DNAJC11: variants seen among roughly 807,000 people sequenced by gnomAD.
DNAJC11 encodes dnaJ homolog subfamily C member 11.
DNAJC11 carries 15 observed loss-of-function variants against 78.6 expected under a neutral mutation model. That is an observed-to-expected ratio of 0.19 (90% CI 0.13 to 0.29). DNAJC11 has a LOEUF of 0.29. DNAJC11 is among the 10% of genes least tolerant of loss of function. The probability of loss-of-function intolerance (pLI) is 1.00; values close to 1 mark genes in which losing one functional copy is unlikely to be tolerated. For missense variants in DNAJC11, 547 were observed against 709.6 expected (o/e 0.77, Z 2.60); for synonymous variants, 292 against 272.1 (o/e 1.07, Z -0.72).
chr1:6,658,218 G>A (rs1267155102), intron 4 of DNAJC11, among the ~76,000 whole-genome samples: 2 of 152,174 alleles, frequency 1.3e-5, no homozygotes, highest in African/African-American at 2.4e-5. Flanking sequence ...TACCTGAAGC[G>A]TCTAATGAAA....
In DNAJC11 at chr1:6,634,265, G is replaced by A; in HGVS notation, c.*1410C>T. The A allele has an allele frequency of 1.2e-6, 1 of 864,784 alleles. No homozygotes were observed. The highest frequency in any genetic ancestry group is 1.7e-6 in the Non-Finnish European group (1 of 575,300). The allele number at this position is 864,784 out of a possible 1,614,324, so 53.6% of individuals were successfully genotyped here. On this transcript the variant is annotated 3_prime_UTR_variant, in exon 16 of 16. Transcript: ENST00000377577. ...GGTGCCCAGAAGCACCTGCGGCAGAGGCGCACGGGAAGCCCGGGGCCCAGG... is the reference window on the plus strand; with the variant it reads ...GGTGCCCAGAAGCACCTGCGGCAGAAGCGCACGGGAAGCCCGGGGCCCAGG...
intron 7 of DNAJC11, among the ~76,000 whole-genome samples, chr1:6,648,644 T>G (rs1167991224): frequency 2.0e-5 from 3 of 151,794 alleles, no homozygotes; most frequent in Non-Finnish European, 2.9e-5. Flanking sequence ...TTTTGTAGAG[T>G]CAAGGTTTTG....
chr1:6,670,076 C>T (rs1224025420), intron 3 of DNAJC11, among the ~76,000 whole-genome samples: 1 of 151,912 alleles, frequency 6.6e-6, no homozygotes, highest in Non-Finnish European at 1.5e-5. Flanking sequence ...GCTTCAGCCT[C>T]CCAAGTAGCT....
At position 6,645,031 on chromosome 1, in the gene DNAJC11, C is replaced by G. The variant is rs560886395; in HGVS notation, c.980+10G>C. ...CAGTGTGCTTCCATTTTAGCCAGGC[C>G]AGGACTTACTTGAGGGATCCTTTCA... On this transcript the variant is annotated intron_variant, in intron 9 of 15. Transcript: ENST00000377577. The surrounding 1 kb of genome is among the most constrained non-coding windows in gnomAD (Gnocchi z 4.1). 1 of 1,613,568 alleles carries G rather than the reference C, an allele frequency of 6.2e-7. No homozygotes were observed. Among genetic ancestry groups the G allele is most frequent in the African/African-American group, 1.3e-5 (1 of 75,040 alleles).
chr1:6,678,756 A>G (rs1642509303), intron 2 of DNAJC11, among the ~76,000 whole-genome samples: 1 of 152,144 alleles, frequency 6.6e-6, no homozygotes, highest in African/African-American at 2.4e-5. Flanking sequence ...GGGCTTAACT[A>G]ATCCTCCTGC....
At chr1:6,675,094 GA>G (rs914749016) in intron 3 of DNAJC11, among the ~76,000 whole-genome samples, 2 of 152,188 alleles carry the variant, frequency 1.3e-5, no homozygotes, top group Non-Finnish European at 2.9e-5. Context: ...GGAATTCCTT[GA>G]AGGAATGTTG....
chr1:6,657,320 G>A lies in DNAJC11; in HGVS notation c.379-3281C>T, dbSNP rs554485960. Among the ~76,000 whole-genome samples the A allele has an allele frequency of 6.6e-5, 10 of 152,268 alleles. No homozygotes were observed. The East Asian group carries it at 7.7e-4, about 12-fold the overall frequency. ...TTGGCAAGGAAGCCTGAGCTGGCCC[G>A]GGGAGAGGTTGCCTAGAGAGACAGC... On this transcript the variant is annotated intron_variant, in intron 4 of 15. Coordinates refer to ENST00000377577, the MANE Select transcript of DNAJC11 (RefSeq NM_018198.4).
chr1:6,662,044 A>C (rs1229795957), intron 4 of DNAJC11, among the ~76,000 whole-genome samples: 72 of 151,508 alleles, frequency 4.8e-4, no homozygotes, highest in African/African-American at 1.6e-3. Flanking sequence ...CTCCACCTCC[A>C]GGGCTCAAGC....
chr1:6,666,358 C>T lies in DNAJC11; in HGVS notation c.378+1351G>A, dbSNP rs569284099. Among the ~76,000 whole-genome samples the T allele has an allele frequency of 2.7e-5, 4 of 150,926 alleles. No homozygotes were observed. In the South Asian group the frequency reaches 8.4e-4, roughly 32 times the overall value. ...ATCTTACTGTGCATCCCAGTTTAAG[C>T]CAGCATTTGTTTTTTTTCTTTCTTT... On this transcript the variant is annotated intron_variant, in intron 4 of 15. Transcript: ENST00000377577.
rs1356399525 is a variant in DNAJC11, at chr1:6,636,198, G to C, written c.1573C>G (p.Leu525Val). Residue 525 changes from leucine (L) to valine (V), a missense_variant, in exon 15 of 16, where the codon CTG becomes GTG. By Grantham distance (32) the Leu-to-Val change is conservative (BLOSUM62 1). Transcript: ENST00000377577. ...YDPCVGEEKN[L>V]KVLYQFRGVL... ...CCCCGGAACTGATAGAGCACTTTCA[G>C]GTTCTTCTCTTCCCCCACACACGGG... 6.2e-7 allele frequency: 1 copy of C among 1,614,160 alleles called. No individual in the cohort carries two copies. Among genetic ancestry groups the C allele is most frequent in the Admixed American group, 1.7e-5 (1 of 60,010 alleles).
intron 1 of DNAJC11, among the ~76,000 whole-genome samples, chr1:6,687,516 C>T (rs1166056071): frequency 1.3e-5 from 2 of 151,956 alleles, no homozygotes; most frequent in Admixed American, 1.3e-4. Context: ...GCCACCATGC[C>T]CGGCTAAATT....
intron 1 of DNAJC11, among the ~76,000 whole-genome samples, chr1:6,698,199 C>T (rs1013429504): frequency 2.0e-5 from 3 of 151,578 alleles, no homozygotes; most frequent in African/African-American, 7.3e-5. Context: ...GTTTTGAGGA[C>T]ACTCTTTTGA....
At chr1:6,673,232 C>T (rs891800780) in intron 3 of DNAJC11, among the ~76,000 whole-genome samples, 2 of 137,116 alleles carry the variant, frequency 1.5e-5, no homozygotes, top group African/African-American at 2.6e-5. Flanking sequence ...AAAAGAAAAC[C>T]GACTCAGCCC....
intron 1 of DNAJC11, among the ~76,000 whole-genome samples, chr1:6,681,506 G>A (rs975570294): frequency 3.3e-5 from 5 of 152,176 alleles, no homozygotes; most frequent in Non-Finnish European, 2.9e-5. Flanking sequence ...TAAGGCCCAC[G>A]TGCACTCGAA....
At chr1:6,643,544 G>C (rs963576124) in intron 10 of DNAJC11, among the ~76,000 whole-genome samples, 1 of 152,092 alleles carries the variant, frequency 6.6e-6, no homozygotes, top group African/African-American at 2.4e-5. Flanking sequence ...CAAAGTGCTG[G>C]GATTACAGGT....
rs754380085 is a variant in DNAJC11 at position 6,634,735 on chromosome 1, T to C, written c.*940A>G. 18 of 1,357,346 alleles carry C rather than the reference T, an allele frequency of 1.3e-5. No homozygotes were observed. In the South Asian group the frequency reaches 2.1e-4, roughly 16 times the overall value. The allele number at this position is 1,357,346 out of a possible 1,614,324, so 84.1% of individuals were successfully genotyped here. A position where few individuals can be genotyped will look rare whatever the true frequency, so the allele number is the denominator to read the frequency against. Reference sequence around the variant, plus strand: ...GAAGGCTCCGGAGCACAGGCCCTGGTGTTCCTGTGAGGACGCTGGACCTGC... The same window carrying C: ...GAAGGCTCCGGAGCACAGGCCCTGGCGTTCCTGTGAGGACGCTGGACCTGC... On this transcript the variant is annotated 3_prime_UTR_variant, in exon 16 of 16. Coordinates refer to ENST00000377577, the MANE Select transcript of DNAJC11 (RefSeq NM_018198.4).
Position 6,644,908 on chromosome 1 carries a change from A to AT in DNAJC11, c.980+132dup, listed in dbSNP as rs1222246461. On this transcript the variant is annotated intron_variant, in intron 9 of 15. Transcript: ENST00000377577. The stretch of plus-strand genomic sequence containing the variant: ...GTGTTAAATCCCCCACAGCCTCAAA[A>AT]TAGGAAGCTCTCCAAAAATGTCACA... The AT allele has an allele frequency of 3.2e-6, 3 of 923,748 alleles. No individual in the cohort carries two copies. The African/African-American group carries it at 4.9e-5, about 15-fold the overall frequency. 57.2% of individuals were successfully genotyped at this position (923,748 alleles called of 1,614,324 possible).
At chr1:6,658,165 T>C (rs914741357) in intron 4 of DNAJC11, among the ~76,000 whole-genome samples, 14 of 152,178 alleles carry the variant, frequency 9.2e-5, no homozygotes, top group Non-Finnish European at 1.8e-4. Context: ...ATCTGGGGAC[T>C]GAGGGCTCCG....
chr1:6,639,234 T>C (rs906002365), intron 11 of DNAJC11, among the ~76,000 whole-genome samples: 2 of 151,942 alleles, frequency 1.3e-5, no homozygotes, highest in Non-Finnish European at 2.9e-5. Flanking sequence ...GCCCCTCACA[T>C]ACGGATCCAG....
Sources: allele counts gnomAD v4.1 joint callset (sites outside exome capture counted in the v4.1 genomes callset), GRCh38; gene constraint gnomAD v4.1.1; non-coding constraint Gnocchi (gnomAD v3.1); transcripts MANE v1.5; gene names NCBI Gene and HGNC (gene_info 2026-07-23, HGNC 2026-07-21).